The following AGBL4 variants were observed in gnomAD, a reference collection of about 807,000 sequenced individuals.
The protein encoded by AGBL4 is cytosolic carboxypeptidase 6.
AGBL4 carries 58 observed loss-of-function variants against 66.4 expected under a neutral mutation model. The observed-to-expected ratio is 0.87, with a 90% CI of 0.71 to 1.09. AGBL4 has a LOEUF of 1.09. Ranked by LOEUF, AGBL4 falls within the 50% of genes least tolerant of loss-of-function variation. The pLI, the probability that AGBL4 is intolerant of heterozygous loss-of-function variation, is 0.00. For synonymous variants in AGBL4, 234 were observed against 222.9 expected, an observed-to-expected ratio of 1.05 and a Z score of -0.44; for missense variants, 579 against 631.0, an observed-to-expected ratio of 0.92 and a Z score of 0.88.
chr1:48,925,340 T>C (rs1207213324), intron 5 of AGBL4, among the ~76,000 whole-genome samples: 1 of 152,166 alleles, frequency 6.6e-6, no homozygotes, highest in Non-Finnish European at 1.5e-5. Context: ...TAATCTTAGA[T>C]TACTTCTAAT....
chr1:49,120,156 T>C (rs1645622012), intron 4 of AGBL4, among the ~76,000 whole-genome samples: 1 of 152,234 alleles, frequency 6.6e-6, no homozygotes, highest in Admixed American at 6.5e-5. Context: ...GTCTTTTAAT[T>C]GGAGCATTTA....
intron 9 of AGBL4, among the ~76,000 whole-genome samples, chr1:48,594,047 C>T (rs542856153): frequency 1.0e-3 from 158 of 151,906 alleles, no homozygotes; most frequent in African/African-American, 3.7e-3. Flanking sequence ...GATTTGCAGC[C>T]GGGCATGGTG....
chr1:49,320,024 T>C (rs1296705849), intron 3 of AGBL4, among the ~76,000 whole-genome samples: 1 of 152,102 alleles, frequency 6.6e-6, no homozygotes, highest in East Asian at 1.9e-4. Flanking sequence ...CCTCAACCTC[T>C]GGGCTCAAGA....
At chr1:49,192,036 A>G (rs574139840) in intron 4 of AGBL4, among the ~76,000 whole-genome samples, 2 of 152,236 alleles carry the variant, frequency 1.3e-5, no homozygotes, top group Non-Finnish European at 2.9e-5. Flanking sequence ...TCTCCAAACC[A>G]CTTTGCACAA....
intron 5 of AGBL4, among the ~76,000 whole-genome samples, chr1:49,030,582 G>A (rs926625249): frequency 2.6e-5 from 4 of 151,984 alleles, no homozygotes; most frequent in African/African-American, 9.7e-5. Flanking sequence ...AAAGGAGTGC[G>A]AACCCTATTG....
intron 4 of AGBL4, among the ~76,000 whole-genome samples, chr1:49,224,922 A>G (rs1022818643): frequency 6.6e-6 from 1 of 152,212 alleles, no homozygotes; most frequent in African/African-American, 2.4e-5. Flanking sequence ...TGAAGAGTGT[A>G]TACGTATGCG....
At chr1:48,967,766 A>G (rs1410485659) in intron 5 of AGBL4, among the ~76,000 whole-genome samples, 1 of 152,160 alleles carries the variant, frequency 6.6e-6, no homozygotes, top group Non-Finnish European at 1.5e-5. Context: ...ATAAGCATAG[A>G]ACAGAAAGCA....
At chr1:49,702,301 G>T (rs1390199620) in intron 2 of AGBL4, among the ~76,000 whole-genome samples, 2 of 152,022 alleles carry the variant, frequency 1.3e-5, no homozygotes, top group Non-Finnish European at 2.9e-5. Context: ...GACCATCCTG[G>T]CCAACATGGT....
At chr1:49,844,989 AG>A (rs1274911641) in intron 2 of AGBL4, 2 of 1,401,310 alleles carry the variant, frequency 1.4e-6, no homozygotes, top group Non-Finnish European at 2.0e-6. Context: ...CTGAACAACA[AG>A]GCCCCCACAC....
chr1:48,870,966 T>C (rs1648595771), intron 5 of AGBL4, among the ~76,000 whole-genome samples: 1 of 152,150 alleles, frequency 6.6e-6, no homozygotes, highest in African/African-American at 2.4e-5. Flanking sequence ...AATAATTCCC[T>C]CAAAGTCATT....
intron 6 of AGBL4, chr1:48,776,875 G>T (rs1160754233): frequency 1.5e-6 from 2 of 1,378,612 alleles, no homozygotes; most frequent in African/African-American, 3.1e-5. Flanking sequence ...CTCAGCCCGC[G>T]GGGCGGGCGC....
intron 3 of AGBL4, among the ~76,000 whole-genome samples, chr1:49,320,924 A>G (rs920044900): frequency 3.3e-5 from 5 of 152,128 alleles, no homozygotes; most frequent in African/African-American, 1.2e-4. Context: ...AGAAAGAGTG[A>G]AAGTAGAAGT....
Position 49,851,494 on chromosome 1 carries a change from GCAT to G in AGBL4, c.56_58del (p.Asp19del). 7.1e-6 allele frequency: 11 copies of G among 1,549,158 alleles called. No homozygotes were observed. The highest frequency in any genetic ancestry group is 9.6e-6 in the Non-Finnish European group (11 of 1,145,608). On this transcript the variant is annotated inframe_deletion, in exon 2 of 14. Transcript: ENST00000371839. The stretch of plus-strand genomic sequence containing the variant: ...ATATTTGCTCACATTCCCTCCAATG[GCAT>G]CATCATTTCCCATATCATTGCCTAT...
chr1:49,415,830 T>C, intron 3 of AGBL4, among the ~76,000 whole-genome samples: 1 of 152,050 alleles, frequency 6.6e-6, no homozygotes, highest in East Asian at 1.9e-4. Context: ...GTGAAAGTAA[T>C]TTGCTGAAAG....
In AGBL4 at chr1:49,349,523, G is replaced by T. The variant is rs899448611; in HGVS notation, c.283-103659C>A. On this transcript the variant is annotated intron_variant, in intron 3 of 13. Coordinates refer to ENST00000371839, the MANE Select transcript of AGBL4 (RefSeq NM_032785.4). ...TCACCTTCTCAAGTGCCCCCTCCCT[G>T]AAGCAGCTTCCTCCTTCCAAGAGGG... 7.9e-5 allele frequency among the ~76,000 whole-genome samples: 12 copies of T among 152,090 alleles called. 1 individual carries two copies. Among genetic ancestry groups the T allele is most frequent in the African/African-American group, 2.4e-4 (10 of 41,414 alleles).
chr1:49,665,776 T>C (rs999217867), intron 3 of AGBL4, among the ~76,000 whole-genome samples: 3 of 151,998 alleles, frequency 2.0e-5, no homozygotes, highest in African/African-American at 7.2e-5. Context: ...TTAATGAAAA[T>C]GAAAACCCAA....
intron 4 of AGBL4, among the ~76,000 whole-genome samples, chr1:49,097,007 G>T (rs954191636): frequency 1.3e-5 from 2 of 152,224 alleles, no homozygotes; most frequent in South Asian, 4.1e-4. Flanking sequence ...GAAGGAACTA[G>T]CCCTGCCAAC....
chr1:48,944,339 T>C (rs1273441883), intron 5 of AGBL4, among the ~76,000 whole-genome samples: 3 of 152,144 alleles, frequency 2.0e-5, no homozygotes, highest in Non-Finnish European at 4.4e-5. Context: ...CATCAATCCA[T>C]CCATTATACT....
chr1:49,599,742 G>T (rs1439561772), intron 3 of AGBL4, among the ~76,000 whole-genome samples: 10 of 152,056 alleles, frequency 6.6e-5, no homozygotes. Context: ...TTTCTCCTGT[G>T]GGCATTTAGT....
Sources: gnomAD v4.1 joint callset for allele counts (sites outside exome capture counted in the v4.1 genomes callset) on GRCh38, gnomAD v4.1.1 for gene constraint, MANE v1.5 for transcripts, NCBI Gene and HGNC (gene_info 2026-07-23, HGNC 2026-07-21) for gene names.